EMILIN2: variants seen among roughly 807,000 people sequenced by gnomAD.
EMILIN2 encodes elastin microfibril interfacer 2.
In EMILIN2, 71 loss-of-function variants were observed where a neutral mutation model predicts 87.1. The observed-to-expected ratio is 0.82, with a 90% confidence interval of 0.67 to 0.99. The LOEUF (loss-of-function observed/expected upper bound fraction) is 0.99. Ranked by LOEUF, EMILIN2 falls within the 50% of genes least tolerant of loss-of-function variation. The pLI, the probability that EMILIN2 is intolerant of heterozygous loss-of-function variation, is 0.00. For missense variants in EMILIN2, 1,407 were observed against 1,371.8 expected, an observed-to-expected ratio of 1.03 and a Z score of -0.40; for synonymous variants, 581 against 563.4, an observed-to-expected ratio of 1.03 and a Z score of -0.44.
chr18:2,889,606 C>G (rs620592), intron 3 of EMILIN2, among the ~76,000 whole-genome samples: 30,524 of 149,824 alleles, frequency 0.2, 3,164 homozygotes, highest in Admixed American at 0.22. Context: ...ATAATTGTTT[C>G]TTTCTTTTGG....
intron 2 of EMILIN2, among the ~76,000 whole-genome samples, chr18:2,861,799 A>C (rs1263003831): frequency 6.6e-6 from 1 of 152,206 alleles, no homozygotes; most frequent in African/African-American, 2.4e-5. Flanking sequence ...TGGGGATGGC[A>C]TTGAATCTCT....
intron 4 of EMILIN2, among the ~76,000 whole-genome samples, chr18:2,895,255 G>A (rs1401701674): frequency 6.6e-6 from 1 of 152,054 alleles, no homozygotes; most frequent in Non-Finnish European, 1.5e-5. Context: ...CCTGAGCTGA[G>A]CCCTCAGTGT....
rs1258370766 is a variant in EMILIN2 at position 2,915,984 on chromosome 18, T to G, written c.*2580T>G. 2.0e-5 allele frequency: 3 copies of G among 152,242 alleles called. No homozygotes were observed. The highest frequency in any genetic ancestry group is 4.4e-5 in the Non-Finnish European group (3 of 68,038). 9.4% of individuals were successfully genotyped at this position (152,242 alleles called of 1,614,324 possible). On this transcript the variant is annotated 3_prime_UTR_variant, in exon 8 of 8. Transcript: ENST00000254528. The stretch of plus-strand genomic sequence containing the variant: ...ATGGTATCGTCAATAAATGCAAACC[T>G]TAAACTGCATTTGAAATTACTTCCT...
At chr18:2,849,188 G>A (rs2076591631) in intron 2 of EMILIN2, among the ~76,000 whole-genome samples, 1 of 152,158 alleles carries the variant, frequency 6.6e-6, no homozygotes, top group African/African-American at 2.4e-5. Context: ...CATCGTCTAT[G>A]GCCAGCAGTC....
chr18:2,870,099 G>A (rs1345223708), intron 2 of EMILIN2, among the ~76,000 whole-genome samples: 2 of 152,008 alleles, frequency 1.3e-5, no homozygotes, highest in Non-Finnish European at 2.9e-5. Context: ...AAATTAGCTG[G>A]GCGTGGTGGT....
At chr18:2,884,174 T>A (rs1003962735) in intron 2 of EMILIN2, among the ~76,000 whole-genome samples, 1 of 152,164 alleles carries the variant, frequency 6.6e-6, no homozygotes, top group Non-Finnish European at 1.5e-5. Context: ...GCCAGGATGG[T>A]CTCGATCTCC....
At chr18:2,862,511 C>T (rs2076666192) in intron 2 of EMILIN2, among the ~76,000 whole-genome samples, 1 of 149,778 alleles carries the variant, frequency 6.7e-6, no homozygotes, top group African/African-American at 2.4e-5. Context: ...TTGTCATTGG[C>T]TGGATTATGT....
chr18:2,855,786 C>T (rs1480321234), intron 2 of EMILIN2, among the ~76,000 whole-genome samples: 1 of 152,214 alleles, frequency 6.6e-6, no homozygotes, highest in African/African-American at 2.4e-5. Flanking sequence ...GTCTACATGA[C>T]AGGGTTGTGG....
Position 2,847,513 on chromosome 18 carries a change from G to C in EMILIN2, c.134+191G>C, listed in dbSNP as rs1213986921. Among the ~76,000 whole-genome samples, 2 of 152,210 alleles carry C rather than the reference G, an allele frequency of 1.3e-5. No homozygotes were observed. The highest frequency in any genetic ancestry group is 4.8e-5 in the African/African-American group (2 of 41,456). Reference sequence around the variant, plus strand: ...CTCAGGCAGAGCTGACTCCGGGGGCGTGGGCGCAGAGAGCGTCCCGCAGAC... The same window carrying C: ...CTCAGGCAGAGCTGACTCCGGGGGCCTGGGCGCAGAGAGCGTCCCGCAGAC... On this transcript the variant is annotated intron_variant, in intron 1 of 7. Coordinates refer to ENST00000254528, the MANE Select transcript of EMILIN2 (RefSeq NM_032048.3). The surrounding 1 kb of genome is among the most constrained non-coding windows in gnomAD (Gnocchi z 4.5).
rs2076773365 is a variant in EMILIN2, at chr18:2,880,766, C to CT, written c.258-4197dup. On this transcript the variant is annotated intron_variant, in intron 2 of 7. Transcript: ENST00000254528. This position sits in a 1 kb window ranked among gnomAD's most constrained non-coding sequence, Gnocchi z 4.1. ...CTGGGGATGCTTGGGCCGCCTGTCT[C>CT]TGTTTCATGTCCCCTGCCTGGTCCT... is the stretch of plus-strand genomic sequence containing the variant. Among the ~76,000 whole-genome samples the CT allele has an allele frequency of 6.6e-6, 1 of 152,212 alleles. No individual in the cohort carries two copies. The highest frequency in any genetic ancestry group is 6.5e-5 in the Admixed American group (1 of 15,286).
At chr18:2,852,363 G>A (rs916001393) in intron 2 of EMILIN2, among the ~76,000 whole-genome samples, 22 of 152,128 alleles carry the variant, frequency 1.4e-4, no homozygotes, top group Non-Finnish European at 2.4e-4. Flanking sequence ...GAGCTCGACC[G>A]CTTCAGGACT....
At chr18:2,897,746 C>T (rs1400279112) in intron 4 of EMILIN2, among the ~76,000 whole-genome samples, 3 of 151,854 alleles carry the variant, frequency 2.0e-5, no homozygotes, top group Non-Finnish European at 4.4e-5. Context: ...CCTGTGATTC[C>T]ACCTACTTGA....
chr18:2,891,760 A>C lies in EMILIN2; in HGVS notation c.1633A>C (p.Lys545Gln). Residue 545 changes from lysine (K) to glutamine (Q), a missense_variant, in exon 4 of 8, where the codon AAA becomes CAA. Coordinates refer to ENST00000254528, the MANE Select transcript of EMILIN2 (RefSeq NM_032048.3). The surrounding 1 kb of genome is among the most constrained non-coding windows in gnomAD (Gnocchi z 4.6). The stretch of plus-strand genomic sequence containing the variant: ...GATGGAATTAAACCACCTGAAGGAC[A>C]AAGTTCAAGTTGTTGAAGACATTTG... ...VMMELNHLKD[K>Q]VQVVEDICLL... 1 of 1,614,236 alleles carries C rather than the reference A, an allele frequency of 6.2e-7. No homozygotes were observed. Among genetic ancestry groups the C allele is most frequent in the Non-Finnish European group, 8.5e-7 (1 of 1,180,050 alleles).
intron 2 of EMILIN2, among the ~76,000 whole-genome samples, chr18:2,873,753 G>A (rs898685137): frequency 2.6e-5 from 4 of 151,984 alleles, no homozygotes; most frequent in Non-Finnish European, 4.4e-5. Context: ...GGAAAAAATC[G>A]TGAACAGATG....
At chr18:2,860,970 C>G (rs1334275122) in intron 2 of EMILIN2, among the ~76,000 whole-genome samples, 1 of 152,182 alleles carries the variant, frequency 6.6e-6, no homozygotes, top group African/African-American at 2.4e-5. Flanking sequence ...GTTTTGATTG[C>G]ATTTCTCTGA....
Position 2,909,688 on chromosome 18 carries a change from C to T in EMILIN2, c.2696-3C>T, listed in dbSNP as rs1487361362. The T allele has an allele frequency of 2.5e-6, 4 of 1,613,822 alleles. No homozygotes were observed. In the South Asian group the frequency reaches 4.4e-5, roughly 18 times the overall value. On this transcript the variant is annotated splice_polypyrimidine_tract_variant and splice_region_variant and intron_variant, in intron 6 of 7. Coordinates refer to ENST00000254528, the MANE Select transcript of EMILIN2 (RefSeq NM_032048.3). ...AATCCATTCCATCCTTTCTCTGCTCCAGGAGCTCCGGTGCCTTCTCTGGTG... is the reference window on the plus strand; with the variant it reads ...AATCCATTCCATCCTTTCTCTGCTCTAGGAGCTCCGGTGCCTTCTCTGGTG...
chr18:2,904,850 T>C (rs1008472528), intron 4 of EMILIN2, among the ~76,000 whole-genome samples: 5 of 152,188 alleles, frequency 3.3e-5, no homozygotes, highest in Non-Finnish European at 4.4e-5. Context: ...GTGGGCATCA[T>C]AGGGTCAATT....
At chr18:2,865,685 C>T (rs907502760) in intron 2 of EMILIN2, among the ~76,000 whole-genome samples, 21 of 152,160 alleles carry the variant, frequency 1.4e-4, no homozygotes, top group South Asian at 2.1e-4. Context: ...GCAGTCTGTC[C>T]GTTCTCAGAT....
At chr18:2,899,192 C>T (rs752478670) in intron 4 of EMILIN2, among the ~76,000 whole-genome samples, 4 of 152,108 alleles carry the variant, frequency 2.6e-5, no homozygotes, top group East Asian at 1.9e-4. Flanking sequence ...TAAAAAAAAC[C>T]GCTAGCTCTA....
Sources: gnomAD v4.1 joint callset for allele counts (sites outside exome capture counted in the v4.1 genomes callset) on GRCh38, gnomAD v4.1.1 for gene constraint, Gnocchi (gnomAD v3.1) non-coding constraint, MANE v1.5 for transcripts, NCBI Gene and HGNC (gene_info 2026-07-23, HGNC 2026-07-21) for gene names.